EIF4G3: variants seen among roughly 807,000 people sequenced by gnomAD.
The protein encoded by EIF4G3 is eukaryotic translation initiation factor 4 gamma 3, also known as eIF-4-gamma 3.
In EIF4G3, 34 loss-of-function variants were observed where a neutral mutation model predicts 186.4. That is an observed-to-expected ratio of 0.18 (90% CI 0.14 to 0.24). The LOEUF is 0.24. EIF4G3 is among the 10% of genes least tolerant of loss of function. The pLI is 1.00. For missense variants in EIF4G3, 1,536 were observed against 1,948.5 expected (o/e 0.79, Z 3.99); for synonymous variants, 673 against 679.5 (o/e 0.99, Z 0.15).
At chr1:21,042,903 T>C (rs1339619792) in intron 4 of EIF4G3, among the ~76,000 whole-genome samples, 1 of 152,232 alleles carries the variant, frequency 6.6e-6, no homozygotes, top group Non-Finnish European at 1.5e-5. Context: ...TGACACATGC[T>C]AATCTCTGCA....
intron 4 of EIF4G3, among the ~76,000 whole-genome samples, chr1:21,006,217 T>G (rs2085040455): frequency 6.6e-6 from 1 of 152,242 alleles, no homozygotes; most frequent in Non-Finnish European, 1.5e-5. Context: ...CTGCATTTAA[T>G]GACTTATTCT....
At chr1:21,146,178 A>T (rs1296695645) in intron 2 of EIF4G3, among the ~76,000 whole-genome samples, 1 of 152,148 alleles carries the variant, frequency 6.6e-6, no homozygotes, top group Non-Finnish European at 1.5e-5. Flanking sequence ...ACATAGTGAG[A>T]CCCAGTCTCT....
intron 3 of EIF4G3, among the ~76,000 whole-genome samples, chr1:21,072,034 T>G (rs2095457797): frequency 6.6e-6 from 1 of 152,202 alleles, no homozygotes; most frequent in Admixed American, 6.5e-5. Flanking sequence ...GGTCTAATAA[T>G]ATGGCAACGG....
intron 20 of EIF4G3, among the ~76,000 whole-genome samples, chr1:20,875,682 C>T (rs2080549878): frequency 6.6e-6 from 1 of 152,136 alleles, no homozygotes; most frequent in Non-Finnish European, 1.5e-5. Context: ...GGGAAGGAGG[C>T]AGGAAGATTG....
At chr1:21,134,089 AAC>A (rs1246782672) in intron 2 of EIF4G3, among the ~76,000 whole-genome samples, 2 of 152,192 alleles carry the variant, frequency 1.3e-5, no homozygotes, top group African/African-American at 4.8e-5. Context: ...AATAATTTTA[AAC>A]AGTCTTATTC....
At chr1:20,946,459 T>G (rs2095953924) in intron 13 of EIF4G3, among the ~76,000 whole-genome samples, 1 of 152,236 alleles carries the variant, frequency 6.6e-6, no homozygotes, top group Non-Finnish European at 1.5e-5. Flanking sequence ...AAGTATTCCC[T>G]ATGTCTTCAT....
chr1:20,909,081 G>A (rs1321814811), intron 14 of EIF4G3, among the ~76,000 whole-genome samples: 1 of 151,956 alleles, frequency 6.6e-6, no homozygotes, highest in Non-Finnish European at 1.5e-5. Flanking sequence ...GAACCTGGGA[G>A]ATGGAGGTTG....
chr1:21,078,701 G>A (rs374564127), intron 3 of EIF4G3, among the ~76,000 whole-genome samples: 2 of 152,138 alleles, frequency 1.3e-5, no homozygotes, highest in African/African-American at 4.8e-5. Flanking sequence ...AATAACACAC[G>A]TGGCTGGGCA....
At position 20,914,434 on chromosome 1, in the gene EIF4G3, G is replaced by A. The variant is rs150827253; in HGVS notation, c.1664-9463C>T. On this transcript the variant is annotated intron_variant, in intron 14 of 36. Transcript: ENST00000602326. ...TTGCTGGCTTTGAAGATGGAGGAAG[G>A]GGACACAGCCAAAGAATGTAAGCAG... 3.3e-3 allele frequency among the ~76,000 whole-genome samples: 505 copies of A among 152,092 alleles called. 2 individuals are homozygous for A. Among genetic ancestry groups the A allele is most frequent in the African/African-American group, 0.011 (453 of 41,502 alleles).
Position 21,057,856 on chromosome 1 carries a change from C to G in EIF4G3, c.-195-6862G>C, listed in dbSNP as rs143056722. On this transcript the variant is annotated intron_variant, in intron 3 of 36. Coordinates refer to ENST00000602326, the MANE Select transcript of EIF4G3 (RefSeq NM_001391906.1). ...CTCTAAAATTTTGACTCAGTGGAAA[C>G]TTCAGGTAGCTAGTGAATTTTCATT... 2.0e-5 allele frequency among the ~76,000 whole-genome samples: 3 copies of G among 152,192 alleles called. No individual in the cohort carries two copies. In the East Asian group the frequency reaches 5.8e-4, roughly 29 times the overall value.
intron 2 of EIF4G3, among the ~76,000 whole-genome samples, chr1:21,125,730 A>AAT (rs768189361): frequency 1.4e-5 from 2 of 147,358 alleles, no homozygotes; most frequent in Non-Finnish European, 3.0e-5. Context: ...AAAATAAATA[A>AAT]ATATATATAA....
intron 2 of EIF4G3, among the ~76,000 whole-genome samples, chr1:21,118,954 A>G (rs1014578881): frequency 1.8e-4 from 25 of 140,574 alleles, no homozygotes; most frequent in East Asian, 4.4e-4. Flanking sequence ...AAAAAAAAAA[A>G]AGAGAAGAAA....
chr1:21,151,867 C>G (rs2097557153), intron 2 of EIF4G3, among the ~76,000 whole-genome samples: 1 of 152,174 alleles, frequency 6.6e-6, no homozygotes, highest in Admixed American at 6.5e-5. Flanking sequence ...CAAACTGTCT[C>G]ACCCACTCCA....
chr1:21,130,932 G>GA (rs2097140632), intron 2 of EIF4G3, among the ~76,000 whole-genome samples: 1 of 151,996 alleles, frequency 6.6e-6, no homozygotes, highest in African/African-American at 2.4e-5. Context: ...CCCAATTGAT[G>GA]AAAGAATCAA....
intron 4 of EIF4G3, among the ~76,000 whole-genome samples, chr1:21,046,636 A>G (rs1041831958): frequency 8.5e-5 from 13 of 152,260 alleles, no homozygotes; most frequent in Non-Finnish European, 1.5e-4. Context: ...GGAGACTGTC[A>G]CATCAAAAAG....
At chr1:21,094,819 T>G (rs1232483931) in intron 2 of EIF4G3, among the ~76,000 whole-genome samples, 1 of 148,022 alleles carries the variant, frequency 6.8e-6, no homozygotes, top group African/African-American at 2.5e-5. Flanking sequence ...CCAGGATTTC[T>G]TTTTGTAAAT....
chr1:21,135,842 T>A (rs1368967958), intron 2 of EIF4G3, among the ~76,000 whole-genome samples: 2 of 152,192 alleles, frequency 1.3e-5, no homozygotes, highest in Non-Finnish European at 2.9e-5. Flanking sequence ...ATAATAAGTA[T>A]AGCATCTACT....
chr1:20,965,781 T>C (rs543836458), intron 12 of EIF4G3, among the ~76,000 whole-genome samples: 14 of 122,904 alleles, frequency 1.1e-4, no homozygotes, highest in African/African-American at 4.0e-4. Flanking sequence ...GTAATAGATA[T>C]TTGCTGAATA....
At chr1:21,120,298 T>C (rs1401305672) in intron 2 of EIF4G3, among the ~76,000 whole-genome samples, 2 of 151,882 alleles carry the variant, frequency 1.3e-5, no homozygotes, top group Non-Finnish European at 2.9e-5. Flanking sequence ...ATCACTCCTT[T>C]GTAAGCAAAA....
Sources: gnomAD v4.1 joint callset for allele counts (sites outside exome capture counted in the v4.1 genomes callset) on GRCh38, gnomAD v4.1.1 for gene constraint, MANE v1.5 for transcripts, NCBI Gene and HGNC (gene_info 2026-07-23, HGNC 2026-07-21) for gene names.